RSPH1: variants seen among roughly 807,000 people sequenced by gnomAD.
RSPH1 encodes radial spoke head component 1.
Under a neutral mutation model 44.2 loss-of-function variants are expected in RSPH1, and 32 were observed. That is an observed-to-expected ratio of 0.72 (90% CI 0.55 to 0.97). RSPH1 has a LOEUF of 0.97. Among genes scored for constraint, RSPH1 ranks in the 50% least tolerant of loss-of-function variants. The probability of loss-of-function intolerance (pLI) is 0.00; values close to 1 mark genes in which losing one functional copy is unlikely to be tolerated. For missense variants in RSPH1, 391 were observed against 398.7 expected, an observed-to-expected ratio of 0.98 and a Z score of 0.16; for synonymous variants, 134 against 147.3, an observed-to-expected ratio of 0.91 and a Z score of 0.65.
chr21:42,481,934 G>T (rs1014735406), intron 6 of RSPH1, among the ~76,000 whole-genome samples: 2 of 152,132 alleles, frequency 1.3e-5, no homozygotes, highest in African/African-American at 2.4e-5. Context: ...ACTTACCAAC[G>T]GCACGTTCAG....
At position 42,485,653 on chromosome 21, in the gene RSPH1, C is replaced by T. The variant is rs2054172249; in HGVS notation, c.501+16G>A. 2 of 1,613,952 alleles carry T rather than the reference C, an allele frequency of 1.2e-6. No homozygotes were observed. The highest frequency in any genetic ancestry group is 2.2e-5 in the East Asian group (1 of 44,886). ...TTTTGTACTTCATTGGCAAATGTCA[C>T]TTCCCATGGACTTACATTTTTGTTC... On this transcript the variant is annotated intron_variant, in intron 5 of 8. Coordinates refer to ENST00000291536, the MANE Select transcript of RSPH1 (RefSeq NM_080860.4).
At chr21:42,496,058 A>G in intron 1 of RSPH1, 75 bp downstream of exon 1, 1 of 1,555,226 alleles carries the variant, frequency 6.4e-7, no homozygotes, top group Non-Finnish European at 8.9e-7. Context: ...GCGCCTCCTC[A>G]CTCTCCAAAC....
In RSPH1 at chr21:42,485,774, C is replaced by A. The variant is rs1471797715; in HGVS notation, c.396G>T (p.Glu132Asp). The change falls in exon 5 of 9, where the codon GAG becomes GAT. Residue 132 changes from glutamate (E) to aspartate (D), a missense_variant. Physicochemically the swap from Glu to Asp is conservative, Grantham distance 45. Transcript: ENST00000291536. ...RHGQGTYLYA[E>D]TGSKYVGTWV... The stretch of plus-strand genomic sequence containing the variant: ...AGGTGCCAACATACTTACTGCCCGT[C>A]TCCGCGTATAAATAGGTGCCTTGCC... The A allele has an allele frequency of 6.2e-7, 1 of 1,614,094 alleles. No individual in the cohort carries two copies. The highest frequency in any genetic ancestry group is 2.2e-5 in the East Asian group (1 of 44,900).
chr21:42,492,639 G>C (rs2054247386), intron 3 of RSPH1, 119 bp downstream of exon 3: 2 of 654,050 alleles, frequency 3.1e-6, no homozygotes, highest in Non-Finnish European at 5.5e-6. Flanking sequence ...TGTGTTCGTT[G>C]AATGAGTAAC....
At chr21:42,476,994 GTCCCACAGCCCGGGGGATGCCC>G (rs2054060919) in intron 7 of RSPH1, among the ~76,000 whole-genome samples, 1 of 37,536 alleles carries the variant, frequency 2.7e-5, no homozygotes, top group African/African-American at 7.9e-5. Context: ...CACACCCTCT[GTCCCACAGCCCGGGGGATGCCC>G]CACACCCTCT....
At chr21:42,483,998 G>A (rs2054155783) in intron 5 of RSPH1, among the ~76,000 whole-genome samples, 1 of 152,092 alleles carries the variant, frequency 6.6e-6, no homozygotes, top group Non-Finnish European at 1.5e-5. Context: ...TGGTGTGTGT[G>A]TGTGTGTGTA....
At chr21:42,489,000 G>T (rs193112547) in intron 3 of RSPH1, among the ~76,000 whole-genome samples, 4 of 152,094 alleles carry the variant, frequency 2.6e-5, no homozygotes, top group Admixed American at 6.5e-5. Flanking sequence ...TGGTTGGTTG[G>T]TTGGTTGGTT....
At chr21:42,483,418 C>T (rs2054149673) in intron 5 of RSPH1, among the ~76,000 whole-genome samples, 1 of 151,938 alleles carries the variant, frequency 6.6e-6, no homozygotes, top group Admixed American at 6.6e-5. Context: ...CCCAGATCCT[C>T]AAACTCTTGA....
chr21:42,496,006 G>C lies in RSPH1; in HGVS notation c.54+127C>G. ...TGTGTCTGGCGTGGCCTTCGTCCCT[G>C]CCGGGGATCCTGGGGAGCTGTGGCT... On this transcript the variant is annotated intron_variant, in intron 1 of 8. Transcript: ENST00000291536. The C allele has an allele frequency of 2.8e-6, 3 of 1,074,094 alleles. No homozygotes were observed. The South Asian group carries it at 4.0e-5, about 14-fold the overall frequency. 66.5% of individuals were successfully genotyped at this position (1,074,094 alleles called of 1,614,324 possible). A position where few individuals can be genotyped will look rare whatever the true frequency, so the allele number is the denominator to read the frequency against.
intron 1 of RSPH1, among the ~76,000 whole-genome samples, chr21:42,494,277 AAATTG>A (rs2054264802): frequency 6.6e-6 from 1 of 152,214 alleles, no homozygotes; most frequent in Admixed American, 6.5e-5. Context: ...TAAAATTAAG[AAATTG>A]AATTGGATGT....
At position 42,485,758 on chromosome 21, in the gene RSPH1, C is replaced by A; in HGVS notation, c.412G>T (p.Val138Phe). ...YLYAETGSKY[V>F]GTWVNGQQEG... ...TGCTGTCCGTTCACCCAGGTGCCAA[C>A]ATACTTACTGCCCGTCTCCGCGTAT... Residue 138 changes from valine to phenylalanine, a missense_variant, in exon 5 of 9, where the codon GTT (valine) becomes TTT (phenylalanine). By Grantham distance (50) the Val-to-Phe change is conservative. Transcript: ENST00000291536. 2.5e-6 allele frequency: 4 copies of A among 1,614,230 alleles called. No individual in the cohort carries two copies. The highest frequency in any genetic ancestry group is 3.4e-6 in the Non-Finnish European group (4 of 1,180,036).
At chr21:42,489,974 G>A (rs1449570208) in intron 3 of RSPH1, among the ~76,000 whole-genome samples, 1 of 152,138 alleles carries the variant, frequency 6.6e-6, no homozygotes, top group Non-Finnish European at 1.5e-5. Flanking sequence ...GTTTTGATGA[G>A]TTCTGTTTGA....
At chr21:42,477,547 G>A (rs550539882) in intron 6 of RSPH1, 103 bp from the exon 7 acceptor site, 2 of 1,289,174 alleles carry the variant, frequency 1.6e-6, no homozygotes, top group Non-Finnish European at 2.2e-6. Flanking sequence ...ACAGGTTTTG[G>A]CTTGTGTTTC....
At chr21:42,487,164 TG>T (rs1311245435) in intron 3 of RSPH1, among the ~76,000 whole-genome samples, 1 of 152,206 alleles carries the variant, frequency 6.6e-6, no homozygotes, top group African/African-American at 2.4e-5. Context: ...GTACTGAAAT[TG>T]GCAAGGATAT....
intron 6 of RSPH1, among the ~76,000 whole-genome samples, chr21:42,481,099 G>A (rs1409882360): frequency 1.3e-5 from 2 of 152,148 alleles, no homozygotes; most frequent in Admixed American, 6.5e-5. Context: ...CTGGTGGGAG[G>A]TGTTTGGGTC....
chr21:42,487,835 G>A (rs770257177), intron 3 of RSPH1, among the ~76,000 whole-genome samples: 1 of 152,098 alleles, frequency 6.6e-6, no homozygotes, highest in Admixed American at 6.6e-5. Flanking sequence ...TCTGCAGAAG[G>A]AACTTCTACA....
intron 8 of RSPH1, 54 bp from the exon 9 acceptor site, chr21:42,472,924 T>A: frequency 7.5e-7 from 1 of 1,332,968 alleles, no homozygotes; most frequent in Non-Finnish European, 1.1e-6. Flanking sequence ...GTTCTATTTT[T>A]AAAGCCTTTA....
intron 6 of RSPH1, among the ~76,000 whole-genome samples, chr21:42,482,152 T>C (rs2054134456): frequency 6.6e-6 from 1 of 152,182 alleles, no homozygotes; most frequent in Non-Finnish European, 1.5e-5. Flanking sequence ...GGCGTGATCT[T>C]GGCTCACTGC....
At chr21:42,479,528 T>TG (rs1264016970) in intron 6 of RSPH1, among the ~76,000 whole-genome samples, 1 of 152,224 alleles carries the variant, frequency 6.6e-6, no homozygotes, top group Non-Finnish European at 1.5e-5. Context: ...TGTAAAAACT[T>TG]GCTCAATCAC....
Sources: gnomAD v4.1 joint callset for allele counts (sites outside exome capture counted in the v4.1 genomes callset) on GRCh38, gnomAD v4.1.1 for gene constraint, MANE v1.5 for transcripts, NCBI Gene and HGNC (gene_info 2026-07-23, HGNC 2026-07-21) for gene names.